The following TRIM66 variants were observed in gnomAD, a reference collection of about 807,000 sequenced individuals.
The protein encoded by TRIM66 is tripartite motif-containing protein 66.
TRIM66 carries 99 observed loss-of-function variants against 148.2 expected under a neutral mutation model. The ratio of observed to expected loss-of-function variants is 0.67; its 90% CI spans 0.57 to 0.79. The LOEUF (loss-of-function observed/expected upper bound fraction) is 0.79. Ranked by LOEUF, TRIM66 falls within the 30% of genes least tolerant of loss-of-function variation. The pLI is 0.00. For synonymous variants in TRIM66, 616 were observed against 635.9 expected, an observed-to-expected ratio of 0.97 and a Z score of 0.47; for missense variants, 1,666 against 1,697.9, an observed-to-expected ratio of 0.98 and a Z score of 0.33.
At chr11:8,621,462 G>T in intron 19 of TRIM66, 141 bp from the exon 20 acceptor site, 1 of 1,328,052 alleles carries the variant, frequency 7.5e-7, no homozygotes, top group Non-Finnish European at 1.0e-6. Context: ...CCCCATGAAT[G>T]CTGGGACACC....
chr11:8,634,321 A>T (rs995748690), intron 15 of TRIM66, among the ~76,000 whole-genome samples: 1 of 152,024 alleles, frequency 6.6e-6, no homozygotes, highest in Non-Finnish European at 1.5e-5. Flanking sequence ...ATGCACCACC[A>T]CGCCTGGCTA....
At chr11:8,623,010 G>A (rs1486183156) in intron 17 of TRIM66, 134 bp from the exon 18 acceptor site, 1 of 703,070 alleles carries the variant, frequency 1.4e-6, no homozygotes, top group Non-Finnish European at 2.4e-6. Context: ...CTACACTATA[G>A]TCATTCATAC....
chr11:8,644,225 A>C (rs562034556), intron 12 of TRIM66: 165 of 325,834 alleles, frequency 5.1e-4, no homozygotes, highest in Non-Finnish European at 7.7e-4. Flanking sequence ...CCCCATCGCC[A>C]ACTCCTACTC....
At position 8,640,925 on chromosome 11, in the gene TRIM66, G is replaced by C. The variant is rs1359564414; in HGVS notation, c.1450C>G (p.Pro484Ala). ...AAGCTGTGGGCTGGGTGTATGCTGGGTGGGGGGACCTGGCCTTTGAGGGAA... is the reference window on the plus strand; with the variant it reads ...AAGCTGTGGGCTGGGTGTATGCTGGCTGGGGGGACCTGGCCTTTGAGGGAA... ...SPSLKGQVPP[P>A]SIHPAHSFRQ... Residue 484 changes from proline to alanine, a missense_variant, in exon 14 of 25, where the codon CCC becomes GCC. Transcript: ENST00000646038. 1.3e-6 allele frequency: 2 copies of C among 1,550,990 alleles called. No individual in the cohort carries two copies. The highest frequency in any genetic ancestry group is 2.0e-5 in the Admixed American group (1 of 51,010).
chr11:8,647,497 T>G (rs901865593), intron 10 of TRIM66, among the ~76,000 whole-genome samples: 1 of 152,192 alleles, frequency 6.6e-6, no homozygotes, highest in Non-Finnish European at 1.5e-5. Flanking sequence ...ACCCAGTGCC[T>G]GACACATGAG....
At chr11:8,650,149 G>A (rs1195567305) in intron 7 of TRIM66, among the ~76,000 whole-genome samples, 2 of 152,110 alleles carry the variant, frequency 1.3e-5, no homozygotes, top group East Asian at 1.9e-4. Flanking sequence ...AAGGCAGGAG[G>A]AGTGCTTGAG....
Position 8,649,909 on chromosome 11 carries a change from G to A in TRIM66, c.445-22C>T, listed in dbSNP as rs1158775097. 13 of 1,544,896 alleles carry A rather than the reference G, an allele frequency of 8.4e-6. 1 individual carries two copies. Among genetic ancestry groups the A allele is most frequent in the Middle Eastern group, 1.7e-4 (1 of 5,988 alleles). The stretch of plus-strand genomic sequence containing the variant: ...AGTTCTGGAAGCAGAGAGTTCTGGA[G>A]TTACTGATGTTATCCTCATTTGTGT... On this transcript the variant is annotated intron_variant, in intron 7 of 24. Coordinates refer to ENST00000646038, the MANE Select transcript of TRIM66 (RefSeq NM_001388022.1).
At chr11:8,626,980 T>C (rs1336550740) in intron 15 of TRIM66, among the ~76,000 whole-genome samples, 1 of 152,252 alleles carries the variant, frequency 6.6e-6, no homozygotes, top group African/African-American at 2.4e-5. Context: ...GTTCCACTTA[T>C]CCTTCAGAAC....
At chr11:8,644,353 C>T in intron 12 of TRIM66, 1 of 443,520 alleles carries the variant, frequency 2.3e-6, no homozygotes, top group Admixed American at 2.5e-5. Context: ...TCTTTCTCTT[C>T]CACTGCACTC....
chr11:8,649,935 C>T, intron 7 of TRIM66, 48 bp from the exon 8 acceptor site: 1 of 1,531,448 alleles, frequency 6.5e-7, no homozygotes, highest in Non-Finnish European at 8.8e-7. Context: ...TCATTTGTGT[C>T]TGCCTCCACA....
rs374623572 is a variant in TRIM66 at position 8,648,435 on chromosome 11, C to A, written c.706G>T (p.Val236Leu). ...CCCCACCTGTGTTCTTTGTGTTCCA[C>A]CACTAGGCAGCTATGGCAAGTGAGC... ...DMLTCHSCLVVEHKEHRCRHV... is the reference protein window; with the variant it reads ...DMLTCHSCLVLEHKEHRCRHV... The change falls in exon 9 of 25, where the codon GTG becomes TTG. Residue 236 changes from valine to leucine, a missense_variant. Around this residue, in one of 3 missense-constraint regions of TRIM66, gnomAD observed 1,431 missense variants for 1,412.4 expected, o/e 1.01. Transcript: ENST00000646038. 5 of 1,551,646 alleles carry A rather than the reference C, an allele frequency of 3.2e-6. No homozygotes were observed. The highest frequency in any genetic ancestry group is 4.4e-6 in the Non-Finnish European group (5 of 1,147,002).
intron 6 of TRIM66, among the ~76,000 whole-genome samples, chr11:8,668,918 A>G (rs1354907160): frequency 6.6e-6 from 1 of 152,180 alleles, no homozygotes; most frequent in Non-Finnish European, 1.5e-5. Flanking sequence ...GCAAACTTAG[A>G]CATTGCAGAT....
At chr11:8,631,543 C>T (rs1030535068) in intron 15 of TRIM66, among the ~76,000 whole-genome samples, 1 of 152,124 alleles carries the variant, frequency 6.6e-6, no homozygotes, top group Admixed American at 6.5e-5. Context: ...TTGGATGAAC[C>T]AATAAGTAAT....
intron 15 of TRIM66, among the ~76,000 whole-genome samples, chr11:8,637,999 G>A (rs1249725506): frequency 6.6e-6 from 1 of 152,196 alleles, no homozygotes. Context: ...CAGTAAGCTA[G>A]TAGGTGGGTG....
At chr11:8,663,805 A>G (rs78323932) in intron 6 of TRIM66, among the ~76,000 whole-genome samples, 2,769 of 152,324 alleles carry the variant, frequency 0.018, 92 homozygotes, top group African/African-American at 0.063. Context: ...ATTAAAAAAA[A>G]GGAAAACCTG....
At chr11:8,669,622 G>A (rs1363612994) in intron 6 of TRIM66, among the ~76,000 whole-genome samples, 2 of 148,794 alleles carry the variant, frequency 1.3e-5, no homozygotes, top group African/African-American at 2.5e-5. Flanking sequence ...CAGCCTGGGC[G>A]ACAGAGTGAG....
intron 15 of TRIM66, among the ~76,000 whole-genome samples, chr11:8,629,595 T>C (rs2035200236): frequency 6.6e-6 from 1 of 152,184 alleles, no homozygotes; most frequent in Non-Finnish European, 1.5e-5. Context: ...TAATTACCTA[T>C]TGCACATGTG....
chr11:8,673,362 C>T (rs1168539106), intron 4 of TRIM66, among the ~76,000 whole-genome samples: 1 of 152,190 alleles, frequency 6.6e-6, no homozygotes, highest in Non-Finnish European at 1.5e-5. Context: ...GGATTATCTA[C>T]ATATCTACCA....
intron 15 of TRIM66, among the ~76,000 whole-genome samples, chr11:8,628,636 A>AAAAAAAAAAAAAAAAGAGAGAG (rs1555042270): frequency 4.3e-4 from 40 of 93,362 alleles, no homozygotes; most frequent in African/African-American, 9.6e-4. Flanking sequence ...AAAAAAAAAA[A>AAAAAAAAAAAAAAAAGAGAGAG]AGAGAGAGAA....
Sources: gnomAD v4.1 joint callset for allele counts (sites outside exome capture counted in the v4.1 genomes callset) on GRCh38, gnomAD v4.1.1 for gene constraint, gnomAD v4.1.1 regional missense constraint, MANE v1.5 for transcripts, NCBI Gene and HGNC (gene_info 2026-07-23, HGNC 2026-07-21) for gene names.